The following CSMD3 variants were observed in gnomAD, a reference collection of about 807,000 sequenced individuals.
CSMD3 encodes CUB and sushi domain-containing protein 3.
In CSMD3, 177 loss-of-function variants were observed where a neutral mutation model predicts 435.2. The ratio of observed to expected loss-of-function variants is 0.41; its 90% CI spans 0.36 to 0.46. The LOEUF is 0.46. Ranked by LOEUF, CSMD3 falls within the 20% of genes least tolerant of loss-of-function variation. The pLI is 0.34. For missense variants in CSMD3, 4,265 were observed against 4,504.6 expected, an observed-to-expected ratio of 0.95 and a Z score of 1.52; for synonymous variants, 1,656 against 1,520.5, an observed-to-expected ratio of 1.09 and a Z score of -2.07.
chr8:113,423,575 C>G (rs1380222427), intron 1 of CSMD3, among the ~76,000 whole-genome samples: 1 of 151,822 alleles, frequency 6.6e-6, no homozygotes, highest in Non-Finnish European at 1.5e-5. Flanking sequence ...ATAGCTTTGT[C>G]AAGTGTAAAA....
At chr8:112,840,096 G>C (rs1296966072) in intron 11 of CSMD3, among the ~76,000 whole-genome samples, 2 of 151,696 alleles carry the variant, frequency 1.3e-5, no homozygotes, top group African/African-American at 4.8e-5. Flanking sequence ...ACTTAGGCAG[G>C]AGTCCAGGAA....
At chr8:112,901,116 T>A (rs1330408644) in intron 10 of CSMD3, among the ~76,000 whole-genome samples, 1 of 151,194 alleles carries the variant, frequency 6.6e-6, no homozygotes, top group African/African-American at 2.4e-5. Context: ...ATATATTTCA[T>A]AAAGAAAAAT....
intron 2 of CSMD3, among the ~76,000 whole-genome samples, chr8:113,291,628 A>G (rs1213823684): frequency 6.6e-6 from 1 of 151,798 alleles, no homozygotes; most frequent in Non-Finnish European, 1.5e-5. Context: ...TAGACAAGAA[A>G]CCACCATTGT....
At chr8:113,100,897 G>T (rs1164000871) in intron 4 of CSMD3, among the ~76,000 whole-genome samples, 3 of 152,050 alleles carry the variant, frequency 2.0e-5, no homozygotes, top group Non-Finnish European at 2.9e-5. Context: ...TGGACTTGTG[G>T]CAGATGGAGC....
chr8:112,407,032 A>T (rs991831296), intron 34 of CSMD3, among the ~76,000 whole-genome samples: 1 of 151,920 alleles, frequency 6.6e-6, no homozygotes, highest in Admixed American at 6.6e-5. Context: ...TATTTTTGTA[A>T]TTTGTGGGAT....
chr8:112,884,058 C>G (rs2081521601), intron 10 of CSMD3, among the ~76,000 whole-genome samples: 1 of 151,788 alleles, frequency 6.6e-6, no homozygotes, highest in Admixed American at 6.6e-5. Context: ...GATTCCTTTT[C>G]AAGACTGTAG....
intron 5 of CSMD3, among the ~76,000 whole-genome samples, chr8:113,030,438 A>C (rs1410806563): frequency 6.7e-6 from 1 of 149,350 alleles, no homozygotes; most frequent in Non-Finnish European, 1.5e-5. Context: ...AAAAAAAAAA[A>C]AAAAAAAGAT....
chr8:113,192,908 T>C (rs993447700), intron 3 of CSMD3, among the ~76,000 whole-genome samples: 3 of 151,636 alleles, frequency 2.0e-5, no homozygotes, highest in African/African-American at 7.3e-5. Context: ...TTCTAAGTAG[T>C]TAAGTAAAAC....
At chr8:112,996,059 G>A (rs2085640785) in intron 6 of CSMD3, among the ~76,000 whole-genome samples, 1 of 151,428 alleles carries the variant, frequency 6.6e-6, no homozygotes, top group African/African-American at 2.4e-5. Context: ...GAATGGCTAA[G>A]TTAAGCTAAT....
At position 112,787,605 on chromosome 8, in the gene CSMD3, C is replaced by T. The variant is rs186476315; in HGVS notation, c.1972+12557G>A. On this transcript the variant is annotated intron_variant, in intron 13 of 70. Coordinates refer to ENST00000297405, the MANE Select transcript of CSMD3 (RefSeq NM_198123.2). ...TATACACAATGGAGTATTATTCAGC[C>T]AGATAAAAGGTGAGCTCCTGTCATT... 6.6e-5 allele frequency among the ~76,000 whole-genome samples: 10 copies of T among 152,168 alleles called. No homozygotes were observed. The East Asian group carries it at 1.7e-3, about 26-fold the overall frequency.
intron 2 of CSMD3, chr8:113,309,555 T>G (rs1396499081): frequency 1.3e-5 from 2 of 152,242 alleles, no homozygotes; most frequent in Admixed American, 1.3e-4. Context: ...CATTTGATTT[T>G]ATCTTTACCT....
intron 4 of CSMD3, among the ~76,000 whole-genome samples, chr8:113,120,769 T>C (rs1435940119): frequency 6.6e-6 from 1 of 152,176 alleles, no homozygotes; most frequent in Non-Finnish European, 1.5e-5. Flanking sequence ...TCAGTTGCCA[T>C]GTGGTTAGGG....
chr8:112,816,942 G>A (rs904024021), intron 12 of CSMD3, among the ~76,000 whole-genome samples: 1 of 151,930 alleles, frequency 6.6e-6, no homozygotes, highest in Admixed American at 6.6e-5. Flanking sequence ...CTGAGAATGA[G>A]ATTTGACATT....
At chr8:113,199,091 T>G (rs1423690518) in intron 3 of CSMD3, among the ~76,000 whole-genome samples, 2 of 149,414 alleles carry the variant, frequency 1.3e-5, no homozygotes, top group Non-Finnish European at 3.0e-5. Flanking sequence ...TATATTTAAC[T>G]ATATATAATT....
In CSMD3 at chr8:113,344,777, G is replaced by T. The variant is rs114916309; in HGVS notation, c.179-29984C>A. On this transcript the variant is annotated intron_variant, in intron 1 of 70. Transcript: ENST00000297405. ...TTCTGTAGCTAAGTTCTCTCATCAC[G>T]CAAATAAAATACAAACTTTAACATC... Among the ~76,000 whole-genome samples the T allele has an allele frequency of 5.1e-3, 778 of 152,042 alleles. 12 individuals are homozygous for T. Among genetic ancestry groups the T allele is most frequent in the African/African-American group, 0.018 (751 of 41,488 alleles).
intron 5 of CSMD3, among the ~76,000 whole-genome samples, chr8:113,045,169 G>T (rs996250431): frequency 3.4e-5 from 5 of 148,670 alleles, no homozygotes; most frequent in African/African-American, 1.2e-4. Context: ...TAAATGAAGG[G>T]GCTAAACAAA....
chr8:112,559,426 A>C (rs956639019), intron 24 of CSMD3, among the ~76,000 whole-genome samples: 1 of 151,792 alleles, frequency 6.6e-6, no homozygotes, highest in African/African-American at 2.4e-5. Flanking sequence ...GAATAAGCTC[A>C]TTTGTTTTTC....
chr8:112,680,208 A>T (rs1034153601), intron 16 of CSMD3, among the ~76,000 whole-genome samples: 2 of 152,168 alleles, frequency 1.3e-5, no homozygotes, highest in African/African-American at 4.8e-5. Context: ...TACAAAAAAA[A>T]TTAGATGGGT....
At chr8:112,855,809 C>CT (rs34885472) in intron 11 of CSMD3, among the ~76,000 whole-genome samples, 70,794 of 135,428 alleles carry the variant, frequency 0.52, 18,789 homozygotes, top group East Asian at 0.76. Flanking sequence ...CTTAGCGAAG[C>CT]TTTTTTTTTT....
Sources: allele counts gnomAD v4.1 joint callset (sites outside exome capture counted in the v4.1 genomes callset), GRCh38; gene constraint gnomAD v4.1.1; transcripts MANE v1.5; gene names NCBI Gene and HGNC (gene_info 2026-07-23, HGNC 2026-07-21).